The following ASXL1 variants were observed in gnomAD, a reference collection of about 807,000 sequenced individuals.
ASXL1 encodes the protein ASXL transcriptional regulator 1.
A neutral mutation model predicts 89.1 loss-of-function variants in ASXL1; 65 were observed. That is an observed-to-expected ratio of 0.73 (90% CI 0.60 to 0.90). The LOEUF is 0.90. ASXL1 is among the 40% of genes least tolerant of loss of function. ASXL1 has a pLI of 0.00. For missense variants in ASXL1, 1,786 were observed against 1,942.9 expected (o/e 0.92, Z 1.52); for synonymous variants, 739 against 746.9 (o/e 0.99, Z 0.17).
intron 4 of ASXL1, among the ~76,000 whole-genome samples, chr20:32,379,381 A>T (rs903045173): frequency 1.2e-4 from 17 of 147,810 alleles, no homozygotes; most frequent in Non-Finnish European, 1.8e-4. Context: ...TATTATTATT[A>T]TTTTTTAGTA....
chr20:32,391,924 G>T, intron 4 of ASXL1, among the ~76,000 whole-genome samples: 1 of 150,304 alleles, frequency 6.7e-6, no homozygotes. Flanking sequence ...CCATCCTTTT[G>T]TGTTATACTG....
At position 32,428,191 on chromosome 20, in the gene ASXL1, G is replaced by A. The variant is rs1460731601; in HGVS notation, c.316G>A (p.Ala106Thr). 1 of 1,614,176 alleles carries A rather than the reference G, an allele frequency of 6.2e-7. No individual in the cohort carries two copies. The highest frequency in any genetic ancestry group is 8.5e-7 in the Non-Finnish European group (1 of 1,180,036). Residue 106 changes from alanine (A) to threonine (T), a missense_variant, in exon 5 of 13, where the codon GCT (alanine) becomes ACT (threonine). Physicochemically the swap from Ala to Thr is moderately conservative, Grantham distance 58 (BLOSUM62 0). Coordinates refer to ENST00000375687, the MANE Select transcript of ASXL1 (RefSeq NM_015338.6). ...GGAGGGAGAGGAGCCAGAGGACACGGCTGATGTGGAGAGCTGTGGGTCTAA... is the reference window on the plus strand; with the variant it reads ...GGAGGGAGAGGAGCCAGAGGACACGACTGATGTGGAGAGCTGTGGGTCTAA... Reference protein sequence around the residue: ...TVEGEEPEDTADVESCGSNEA... With the variant: ...TVEGEEPEDTTDVESCGSNEA...
At chr20:32,396,422 T>TA (rs2048762854) in intron 4 of ASXL1, among the ~76,000 whole-genome samples, 1 of 152,222 alleles carries the variant, frequency 6.6e-6, no homozygotes, top group South Asian at 2.1e-4. Flanking sequence ...CTTTTTAGCT[T>TA]TGTTAGGTGG....
At chr20:32,428,512 T>C in intron 6 of ASXL1, 90 bp downstream of exon 6, 2 of 1,225,160 alleles carry the variant, frequency 1.6e-6, no homozygotes, top group South Asian at 2.4e-5. Flanking sequence ...GCTGTGAACA[T>C]GTTCAGAGAG....
rs386393629 is a variant in ASXL1 at position 32,369,718 on chromosome 20, CTTTTTTT to C, written c.252+612_252+618del. ...ACTATGGGGATAATTGCAGATGTGC[CTTTTTTT>C]TTTTTTTTTTTTTTTTATTCTGAGA... On this transcript the variant is annotated intron_variant, in intron 4 of 12. Transcript: ENST00000375687. Among the ~76,000 whole-genome samples the C allele has an allele frequency of 4.2e-5, 4 of 94,620 alleles. 1 individual carries two copies. Among genetic ancestry groups the C allele is most frequent in the African/African-American group, 7.6e-5 (2 of 26,234 alleles). The allele number at this position is 94,620 out of a possible 152,430, so 62.1% of individuals were successfully genotyped here. A position where few individuals can be genotyped will look rare whatever the true frequency, so the allele number is the denominator to read the frequency against.
At chr20:32,415,905 CAAAAG>C (rs1438010578) in intron 4 of ASXL1, among the ~76,000 whole-genome samples, 2 of 151,708 alleles carry the variant, frequency 1.3e-5, no homozygotes, top group South Asian at 2.1e-4. Context: ...TACCATTAAA[CAAAAG>C]AAAAGAAAAA....
chr20:32,362,559 G>A (rs1194228501), intron 1 of ASXL1, among the ~76,000 whole-genome samples: 1 of 152,122 alleles, frequency 6.6e-6, no homozygotes, highest in African/African-American at 2.4e-5. Flanking sequence ...TGGCGTGAAC[G>A]CGGGAGGCGG....
In ASXL1 at chr20:32,430,278, G is replaced by A. The variant is rs552534315; in HGVS notation, c.718+225G>A. On this transcript the variant is annotated intron_variant, in intron 8 of 12. Transcript: ENST00000375687. ...CAGAGATGATGCCATACTGTTTCTC[G>A]TATGTCCCTGTAGGCCTAGTCTATG... is the stretch of plus-strand genomic sequence containing the variant. 86 of 607,374 alleles carry A rather than the reference G, an allele frequency of 1.4e-4. 1 individual carries two copies. Among genetic ancestry groups the A allele is most frequent in the Non-Finnish European group, 1.9e-4 (68 of 364,532 alleles). 37.6% of individuals were successfully genotyped at this position (607,374 alleles called of 1,614,324 possible). A position where few individuals can be genotyped will look rare whatever the true frequency, so the allele number is the denominator to read the frequency against.
At chr20:32,398,796 A>T (rs2048816853) in intron 4 of ASXL1, among the ~76,000 whole-genome samples, 1 of 150,236 alleles carries the variant, frequency 6.7e-6, no homozygotes, top group Non-Finnish European at 1.5e-5. Flanking sequence ...TTTTTAGTAG[A>T]GACGGGGTTT....
At chr20:32,397,445 G>C (rs1325933247) in intron 4 of ASXL1, among the ~76,000 whole-genome samples, 1 of 140,188 alleles carries the variant, frequency 7.1e-6, no homozygotes, top group East Asian at 2.1e-4. Context: ...TGTCACCCAG[G>C]CTGGAGTGCA....
chr20:32,359,690 T>C, intron 1 of ASXL1: 2 of 717,932 alleles, frequency 2.8e-6, no homozygotes, highest in South Asian at 1.5e-5. Flanking sequence ...CGTTGTTCAC[T>C]GAGGATTTAG....
chr20:32,432,709 G>A, intron 10 of ASXL1, 171 bp from the exon 11 acceptor site: 1 of 762,934 alleles, frequency 1.3e-6, no homozygotes, highest in South Asian at 1.7e-5. Context: ...TCACTTTAAG[G>A]AAGAGTGAAT....
At chr20:32,370,797 C>T (rs964403914) in intron 4 of ASXL1, among the ~76,000 whole-genome samples, 1 of 151,622 alleles carries the variant, frequency 6.6e-6, no homozygotes, top group African/African-American at 2.4e-5. Context: ...TTTTTCCTTT[C>T]AGTTTTGTAT....
intron 1 of ASXL1, among the ~76,000 whole-genome samples, chr20:32,365,631 AAAAC>A (rs1392736281): frequency 1.3e-5 from 2 of 152,228 alleles, no homozygotes; most frequent in Non-Finnish European, 2.9e-5. Context: ...TAACATATCT[AAAAC>A]AACTCTTAAA....
At chr20:32,377,660 C>CTT (rs566147904) in intron 4 of ASXL1, among the ~76,000 whole-genome samples, 3 of 148,658 alleles carry the variant, frequency 2.0e-5, no homozygotes, top group Non-Finnish European at 4.5e-5. Context: ...TGTTTGTTTT[C>CTT]TTTTTTTTTT....
At chr20:32,372,115 C>A in intron 4 of ASXL1, 4 of 1,342,040 alleles carry the variant, frequency 3.0e-6, no homozygotes, top group Non-Finnish European at 4.0e-6. Flanking sequence ...TGGCATAGTA[C>A]GTGCTTTATG....
rs1239527829 is a variant in ASXL1 at position 32,436,805 on chromosome 20, G to A, written c.4093G>A (p.Gly1365Ser). ...DWAPKPHAFV[G>S]SVKNEKTFVG... is the part of the protein sequence containing the mutation. ...GGCTCCAAAGCCACATGCCTTTGTT[G>A]GCAGCGTCAAGAATGAGAAGACTTT... The change falls in exon 13 of 13, where the codon GGC becomes AGC. Residue 1365 changes from glycine to serine, a missense_variant. By Grantham distance (56) the Gly-to-Ser change is moderately conservative. This residue lies in a region of ASXL1 where 1,418 missense variants were observed against 1,427.8 expected (regional missense o/e 0.99). Coordinates refer to ENST00000375687, the MANE Select transcript of ASXL1 (RefSeq NM_015338.6). 6.2e-7 allele frequency: 1 copy of A among 1,614,192 alleles called. No individual in the cohort carries two copies. Among genetic ancestry groups the A allele is most frequent in the Non-Finnish European group, 8.5e-7 (1 of 1,180,046 alleles).
intron 4 of ASXL1, among the ~76,000 whole-genome samples, chr20:32,401,561 C>CCCCT (rs796953849): frequency 7.3e-5 from 10 of 137,920 alleles, no homozygotes; most frequent in African/African-American, 2.9e-4. Context: ...CCCCCCCCCC[C>CCCCT]TTTTTTTTTT....
In ASXL1 at chr20:32,435,396, C is replaced by CT; in HGVS notation, c.2687dup (p.Leu896PhefsTer10). ...ACCAAGGCTCTCGTTTCTAACAGTT[C>CT]TTTGCATTGGATACCCATCCCATCG... is the stretch of plus-strand genomic sequence containing the variant. On this transcript the variant is annotated frameshift_variant, in exon 13 of 13. Transcript: ENST00000375687. LOFTEE classifies it low-confidence loss of function (END_TRUNC). 1 of 1,614,168 alleles carries CT rather than the reference C, an allele frequency of 6.2e-7. No homozygotes were observed. The highest frequency in any genetic ancestry group is 8.5e-7 in the Non-Finnish European group (1 of 1,180,024).
Sources: gnomAD v4.1 joint callset for allele counts (sites outside exome capture counted in the v4.1 genomes callset) on GRCh38, gnomAD v4.1.1 for gene constraint, gnomAD v4.1.1 regional missense constraint, MANE v1.5 for transcripts, NCBI Gene and HGNC (gene_info 2026-07-23, HGNC 2026-07-21) for gene names.